Variants in IL1RAP observed in about 807,000 individuals in gnomAD.
IL1RAP encodes interleukin-1 receptor accessory protein.
IL1RAP carries 35 observed loss-of-function variants against 60.7 expected under a neutral mutation model. The ratio of observed to expected loss-of-function variants is 0.58; its 90% CI spans 0.44 to 0.76. IL1RAP has a LOEUF of 0.76. IL1RAP is among the 30% of genes least tolerant of loss of function. The pLI is 0.00. For missense variants in IL1RAP, 572 were observed against 693.9 expected, an observed-to-expected ratio of 0.82 and a Z score of 1.97; for synonymous variants, 268 against 250.9, an observed-to-expected ratio of 1.07 and a Z score of -0.64.
chr3:190,628,296 T>C (rs976437319), intron 8 of IL1RAP, among the ~76,000 whole-genome samples: 4 of 152,152 alleles, frequency 2.6e-5, no homozygotes, highest in Non-Finnish European at 5.9e-5. Flanking sequence ...GGGAGAATTA[T>C]TGATCTTTTT....
chr3:190,517,268 A>G (rs914068768), intron 1 of IL1RAP, among the ~76,000 whole-genome samples: 3 of 152,230 alleles, frequency 2.0e-5, no homozygotes, highest in African/African-American at 7.2e-5. Context: ...ACAGAATTAT[A>G]TCACTCTTTT....
chr3:190,627,919 TG>T (rs1465340562), intron 8 of IL1RAP, among the ~76,000 whole-genome samples: 1 of 152,128 alleles, frequency 6.6e-6, no homozygotes, highest in Non-Finnish European at 1.5e-5. Flanking sequence ...AATTGTGTTT[TG>T]TTTTTTTTTG....
chr3:190,605,405 C>CT (rs1435174115), intron 4 of IL1RAP, among the ~76,000 whole-genome samples: 1 of 152,044 alleles, frequency 6.6e-6, no homozygotes, highest in Non-Finnish European at 1.5e-5. Flanking sequence ...CAGAATAGCC[C>CT]TTTTCAGGGT....
At position 190,579,567 on chromosome 3, in the gene IL1RAP, C is replaced by T. The variant is rs573159201; in HGVS notation, c.64+15214C>T. 3.9e-5 allele frequency among the ~76,000 whole-genome samples: 6 copies of T among 152,256 alleles called. No individual in the cohort carries two copies. The South Asian group carries it at 1.2e-3, about 32-fold the overall frequency. ...TCCTGGCAGACCCAAGGGATTCCTA[C>T]CTTTTTATTACTGAGGACATCTTTT... On this transcript the variant is annotated intron_variant, in intron 3 of 11. Transcript: ENST00000447382.
chr3:190,519,350 G>A (rs1219629379), intron 1 of IL1RAP, among the ~76,000 whole-genome samples: 3 of 152,064 alleles, frequency 2.0e-5, no homozygotes, highest in African/African-American at 7.2e-5. Flanking sequence ...CATTTCATCG[G>A]CACATGTACT....
intron 1 of IL1RAP, among the ~76,000 whole-genome samples, chr3:190,531,789 A>T (rs1327722723): frequency 1.3e-5 from 2 of 152,234 alleles, no homozygotes; most frequent in Non-Finnish European, 2.9e-5. Context: ...CCTAGGGCAC[A>T]TGAAATCGGG....
intron 7 of IL1RAP, 139 bp from the exon 8 acceptor site, chr3:190,627,184 G>C (rs973109450): frequency 1.5e-6 from 1 of 674,186 alleles, no homozygotes; most frequent in African/African-American, 1.8e-5. Context: ...CGTAGCTTCT[G>C]ATTAGCCAGA....
chr3:190,604,448 C>T (rs370512692), intron 4 of IL1RAP, 35 bp downstream of exon 4: 865 of 1,594,258 alleles, frequency 5.4e-4, no homozygotes, highest in Non-Finnish European at 6.9e-4. Context: ...TTCTCTTTTC[C>T]CTTTAGTTTC....
chr3:190,619,785 A>G (rs1378078216), intron 5 of IL1RAP, among the ~76,000 whole-genome samples: 3 of 152,142 alleles, frequency 2.0e-5, no homozygotes, highest in Non-Finnish European at 4.4e-5. Context: ...TATCTGATAC[A>G]GGGAAACAAC....
chr3:190,608,900 G>C (rs930153473), intron 4 of IL1RAP, 95 bp from the exon 5 acceptor site: 3 of 882,894 alleles, frequency 3.4e-6, no homozygotes, highest in East Asian at 2.5e-5. Context: ...TGATGTCTCC[G>C]TATGTAGCCT....
chr3:190,527,069 C>A (rs905658274), intron 1 of IL1RAP, among the ~76,000 whole-genome samples: 5 of 152,212 alleles, frequency 3.3e-5, no homozygotes, highest in Admixed American at 2.0e-4. Flanking sequence ...ATCTCCCTAG[C>A]CTGGATCTAC....
intron 2 of IL1RAP, among the ~76,000 whole-genome samples, chr3:190,557,859 G>A (rs780586689): frequency 3.3e-5 from 5 of 151,930 alleles, no homozygotes; most frequent in Non-Finnish European, 7.4e-5. Context: ...CTCATGTATC[G>A]AATCAAGTAA....
chr3:190,652,916 T>C (rs531679280), downstream of IL1RAP, among the ~76,000 whole-genome samples: 6 of 152,282 alleles, frequency 3.9e-5, no homozygotes, highest in African/African-American at 1.4e-4. Flanking sequence ...TTCCTTAAAC[T>C]CTCAAGATTT....
intron 3 of IL1RAP, among the ~76,000 whole-genome samples, chr3:190,596,353 C>CT (rs61432795): frequency 7.0e-4 from 103 of 147,492 alleles, no homozygotes; most frequent in African/African-American, 1.7e-3. Flanking sequence ...AGTCAGGCAG[C>CT]TTTTTTTTTT....
At chr3:190,645,872 C>A (rs779866877) in intron 11 of IL1RAP, 30 bp downstream of exon 11, 10 of 1,588,622 alleles carry the variant, frequency 6.3e-6, no homozygotes, top group Middle Eastern at 1.7e-4. Context: ...ACAAATGATG[C>A]TACCTTGAAA....
At chr3:190,555,582 G>T (rs558913502) in intron 1 of IL1RAP, among the ~76,000 whole-genome samples, 1 of 152,236 alleles carries the variant, frequency 6.6e-6, no homozygotes, top group African/African-American at 2.4e-5. Context: ...TTTCCATTTT[G>T]CATTAACTTC....
chr3:190,625,175 A>G (rs1252124356), intron 7 of IL1RAP: 1 of 152,258 alleles, frequency 6.6e-6, no homozygotes, highest in Non-Finnish European at 1.5e-5. Context: ...ACTGACCATT[A>G]TAGGCAATCT....
At position 190,579,648 on chromosome 3, in the gene IL1RAP, T is replaced by C. The variant is rs115297395; in HGVS notation, c.64+15295T>C. 5.8e-3 allele frequency among the ~76,000 whole-genome samples: 889 copies of C among 152,246 alleles called. 5 individuals are homozygous for C. Among genetic ancestry groups the C allele is most frequent in the African/African-American group, 0.02 (820 of 41,524 alleles). On this transcript the variant is annotated intron_variant, in intron 3 of 11. Coordinates refer to ENST00000447382, the MANE Select transcript of IL1RAP (RefSeq NM_002182.4). ...TTGCAAGCAATAAAACCAGACACAT[T>C]AGTCGTGCTGCCATCACAACAATCT...
At chr3:190,550,838 A>C (rs1251918576) in intron 1 of IL1RAP, among the ~76,000 whole-genome samples, 6 of 152,224 alleles carry the variant, frequency 3.9e-5, no homozygotes, top group Admixed American at 6.5e-5. Flanking sequence ...TTTCAAGCAT[A>C]GTTTCTCTCC....
Sources: gnomAD v4.1 joint callset for allele counts (sites outside exome capture counted in the v4.1 genomes callset) on GRCh38, gnomAD v4.1.1 for gene constraint, MANE v1.5 for transcripts, NCBI Gene and HGNC (gene_info 2026-07-23, HGNC 2026-07-21) for gene names.